SUN1: variants seen among roughly 807,000 people sequenced by gnomAD.
The protein encoded by SUN1 is SUN domain-containing protein 1.
In SUN1, 61 loss-of-function variants were observed where a neutral mutation model predicts 103.2. That is an observed-to-expected ratio of 0.59 (90% CI 0.48 to 0.73). SUN1 has a LOEUF of 0.73. Ranked by LOEUF, SUN1 falls within the 30% of genes least tolerant of loss-of-function variation. The pLI, the probability that SUN1 is intolerant of heterozygous loss-of-function variation, is 0.00. For missense variants in SUN1, 1,052 were observed against 1,034.6 expected, an observed-to-expected ratio of 1.02 and a Z score of -0.23; for synonymous variants, 490 against 425.7, an observed-to-expected ratio of 1.15 and a Z score of -1.86.
chr7:854,065 T>TG (rs1261040922), intron 10 of SUN1, among the ~76,000 whole-genome samples: 1 of 152,200 alleles, frequency 6.6e-6, no homozygotes, highest in Non-Finnish European at 1.5e-5. Flanking sequence ...AGGGATCGCG[T>TG]GGGGGGACCC....
rs181250835 is a variant in SUN1 at position 845,926 on chromosome 7, C to T, written c.658+2406C>T. Among the ~76,000 whole-genome samples, 556 of 152,084 alleles carry T rather than the reference C, an allele frequency of 3.7e-3. 3 individuals carry two copies. The highest frequency in any genetic ancestry group is 0.013 in the African/African-American group (531 of 41,516). On this transcript the variant is annotated intron_variant, in intron 5 of 18. Transcript: ENST00000401592. ...TGCTGCGTGGCTGTCCCGGGGTTCTCGTCAGCCTCCCCGGTGCTGCGTGGC... is the reference window on the plus strand; with the variant it reads ...TGCTGCGTGGCTGTCCCGGGGTTCTTGTCAGCCTCCCCGGTGCTGCGTGGC...
chr7:823,511 G>A (rs539293922), intron 1 of SUN1, among the ~76,000 whole-genome samples: 5 of 152,160 alleles, frequency 3.3e-5, no homozygotes, highest in East Asian at 1.9e-4. Context: ...GTGGAGGAGC[G>A]GCATGTAAAT....
At chr7:852,291 A>C in intron 7 of SUN1, 2 of 595,846 alleles carry the variant, frequency 3.4e-6, no homozygotes, top group South Asian at 4.1e-5. Context: ...AGGATGGGGG[A>C]CCCAGGTCCA....
intron 15 of SUN1, 131 bp from the exon 16 acceptor site, chr7:865,821 C>T (rs1001265620): frequency 1.9e-5 from 13 of 697,070 alleles, no homozygotes; most frequent in African/African-American, 1.1e-4. Flanking sequence ...TTTTTACTTG[C>T]ATTTCTCTGA....
intron 9 of SUN1, 147 bp from the exon 10 acceptor site, chr7:853,262 A>G: frequency 1.1e-6 from 1 of 925,180 alleles, no homozygotes; most frequent in Non-Finnish European, 1.6e-6. Flanking sequence ...ATCAAACCTG[A>G]TACTCCGGGT....
At chr7:862,742 A>G (rs1027157774) in intron 15 of SUN1, among the ~76,000 whole-genome samples, 8 of 152,248 alleles carry the variant, frequency 5.3e-5, no homozygotes, top group African/African-American at 1.9e-4. Flanking sequence ...CGAAGGTTCC[A>G]TTATTGAAGA....
upstream of SUN1, chr7:815,911 C>A: frequency 4.4e-6 from 1 of 229,032 alleles, no homozygotes; most frequent in Non-Finnish European, 9.1e-6. Flanking sequence ...TGCGGAAGGC[C>A]AAGGAGGCAC....
Position 851,802 on chromosome 7 carries a change from C to T in SUN1, c.758-148C>T, listed in dbSNP as rs546319073. ...AGCATGATACGTTACTGCCTTGCTT[C>T]CTGCCGTGGCGACTAGCATCACCGA... On this transcript the variant is annotated intron_variant, in intron 6 of 18. Coordinates refer to ENST00000401592, the MANE Select transcript of SUN1 (RefSeq NM_001130965.3). The T allele has an allele frequency of 5.0e-4, 368 of 738,476 alleles. 2 individuals carry two copies. Among genetic ancestry groups the T allele is most frequent in the Non-Finnish European group, 1.4e-4 (61 of 439,686 alleles). The allele number at this position is 738,476 out of a possible 1,614,324, so 45.7% of individuals were successfully genotyped here. A position where few individuals can be genotyped will look rare whatever the true frequency, so the allele number is the denominator to read the frequency against.
intron 11 of SUN1, among the ~76,000 whole-genome samples, 188 bp downstream of exon 11, chr7:855,194 G>A (rs1213264017): frequency 2.6e-5 from 4 of 152,176 alleles, no homozygotes; most frequent in Admixed American, 6.5e-5. Context: ...TGAATCGGGT[G>A]TGTAACTCAC....
At chr7:829,709 C>G (rs772381589), upstream of SUN1, among the ~76,000 whole-genome samples, 7 of 152,142 alleles carry the variant, frequency 4.6e-5, no homozygotes, top group Non-Finnish European at 8.8e-5. Flanking sequence ...CGCCCGCCAC[C>G]AAGCCCAGCT....
intron 5 of SUN1, among the ~76,000 whole-genome samples, chr7:847,213 G>A (rs200621029): frequency 6.6e-6 from 1 of 152,052 alleles, no homozygotes; most frequent in African/African-American, 2.4e-5. Context: ...AGCGGAGTTG[G>A]CGGCCTTCCC....
intron 9 of SUN1, 120 bp from the exon 10 acceptor site, chr7:853,289 A>G: frequency 8.7e-7 from 1 of 1,154,634 alleles, no homozygotes; most frequent in Non-Finnish European, 1.2e-6. Flanking sequence ...GGATTCCTCC[A>G]TTCGTGTGCC....
chr7:841,810 A>G (rs1436835668), intron 2 of SUN1, 136 bp from the exon 3 acceptor site: 7 of 857,546 alleles, frequency 8.2e-6, no homozygotes, highest in Non-Finnish European at 1.2e-5. Context: ...GATTCATTAC[A>G]GCAGAAAAGG....
chr7:840,710 C>T (rs1167505558), intron 2 of SUN1, among the ~76,000 whole-genome samples: 6 of 145,440 alleles, frequency 4.1e-5, no homozygotes, highest in South Asian at 2.2e-4. Flanking sequence ...GGTGCAATCT[C>T]GACTCACCAC....
chr7:845,504 G>A (rs898848460), intron 5 of SUN1, among the ~76,000 whole-genome samples: 6 of 151,214 alleles, frequency 4.0e-5, no homozygotes, highest in Admixed American at 2.0e-4. Flanking sequence ...CAGACACAAA[G>A]AAGAAAATAA....
At chr7:844,545 C>G (rs1584627699) in intron 5 of SUN1, among the ~76,000 whole-genome samples, 3 of 152,238 alleles carry the variant, frequency 2.0e-5, no homozygotes, top group African/African-American at 7.2e-5. Context: ...TCGTGGCCCT[C>G]ACTTGTGGTT....
intron 17 of SUN1, among the ~76,000 whole-genome samples, chr7:870,023 G>A (rs1057239219): frequency 1.1e-4 from 16 of 148,108 alleles, no homozygotes; most frequent in African/African-American, 3.5e-4. Flanking sequence ...GTGAAACCGC[G>A]TCTCTACTAA....
At chr7:832,739 A>G (rs924732182) in intron 1 of SUN1, 138 bp downstream of exon 1, 2 of 711,022 alleles carry the variant, frequency 2.8e-6, no homozygotes, top group African/African-American at 1.8e-5. Context: ...AATAAACTGT[A>G]TCTTATGGCT....
At position 866,067 on chromosome 7, in the gene SUN1, G is replaced by T. The variant is rs370221617; in HGVS notation, c.1980G>T (p.Gln660His). Residue 660 changes from glutamine to histidine, a missense_variant and splice_region_variant, in exon 16 of 19, where the codon CAG (glutamine) becomes CAT (histidine). By Grantham distance (24) the Gln-to-His change is conservative. Around this residue, in one of 2 missense-constraint regions of SUN1, gnomAD observed 206 missense variants for 260.1 expected, o/e 0.79. Coordinates refer to ENST00000401592, the MANE Select transcript of SUN1 (RefSeq NM_001130965.3). ...CGCAGTCCCCGCGCGTGGTCATCCA[G>T]GTGAGTGGCCGCCGGTGGCCGGAGC... ...YFSQSPRVVI[Q>H]PDIYPGNCWA... The T allele has an allele frequency of 6.2e-7, 1 of 1,613,802 alleles. No individual in the cohort carries two copies. The highest frequency in any genetic ancestry group is 1.3e-5 in the African/African-American group (1 of 74,910).
Sources: gnomAD v4.1 joint callset for allele counts (sites outside exome capture counted in the v4.1 genomes callset) on GRCh38, gnomAD v4.1.1 for gene constraint, gnomAD v4.1.1 regional missense constraint, MANE v1.5 for transcripts, NCBI Gene and HGNC (gene_info 2026-07-23, HGNC 2026-07-21) for gene names.